RRN3: variants seen among roughly 807,000 people sequenced by gnomAD.
The protein encoded by RRN3 is RNA polymerase I transcription factor RRN3.
A neutral mutation model predicts 82.3 loss-of-function variants in RRN3; 38 were observed. That is an observed-to-expected ratio of 0.46 (90% CI 0.36 to 0.61). The LOEUF (loss-of-function observed/expected upper bound fraction) is 0.61, where lower values mean the gene tolerates loss of function less well. RRN3 is among the 20% of genes least tolerant of loss of function. The probability of loss-of-function intolerance (pLI) is 0.00; values close to 1 mark genes in which losing one functional copy is unlikely to be tolerated. For synonymous variants in RRN3, 284 were observed against 284.3 expected (o/e 1.00, Z 0.01); for missense variants, 726 against 793.1 (o/e 0.92, Z 1.02).
chr16:15,089,997 T>TC (rs1034731401), intron 3 of RRN3, among the ~76,000 whole-genome samples: 2 of 151,652 alleles, frequency 1.3e-5, no homozygotes, highest in African/African-American at 4.8e-5. Context: ...TCACCTGAGG[T>TC]CAGGAGTTCA....
At chr16:15,092,419 A>C in intron 2 of RRN3, 90 bp downstream of exon 2, 1 of 783,280 alleles carries the variant, frequency 1.3e-6, no homozygotes, top group Non-Finnish European at 2.2e-6. Flanking sequence ...ATCTTAATTA[A>C]TCTTGCTATT....
At position 15,061,653 on chromosome 16, in the gene RRN3, C is replaced by T. The variant is rs889404926; in HGVS notation, c.*91G>A. ...GCAGGCACTCGCTCTAGTTCAATGCCATCAATGCCCAATGGCACAAGCTGG... is the reference window on the plus strand; with the variant it reads ...GCAGGCACTCGCTCTAGTTCAATGCTATCAATGCCCAATGGCACAAGCTGG... On this transcript the variant is annotated 3_prime_UTR_variant, in exon 18 of 18. Coordinates refer to ENST00000198767, the MANE Select transcript of RRN3 (RefSeq NM_018427.5). 4 of 1,280,384 alleles carry T rather than the reference C, an allele frequency of 3.1e-6. No individual in the cohort carries two copies. The African/African-American group carries it at 5.9e-5, about 19-fold the overall frequency. 79.3% of individuals were successfully genotyped at this position (1,280,384 alleles called of 1,614,324 possible). A position where few individuals can be genotyped will look rare whatever the true frequency, so the allele number is the denominator to read the frequency against.
chr16:15,087,447 G>A (rs919028989), intron 3 of RRN3, among the ~76,000 whole-genome samples: 2 of 152,166 alleles, frequency 1.3e-5, no homozygotes, highest in Non-Finnish European at 2.9e-5. Context: ...CTCGGTCAAG[G>A]CTATCCTCTG....
chr16:15,092,254 T>C (rs1284271973), intron 2 of RRN3, among the ~76,000 whole-genome samples: 1 of 152,128 alleles, frequency 6.6e-6, no homozygotes, highest in Non-Finnish European at 1.5e-5. Context: ...GCTTCGTAAA[T>C]AAAGCATTTG....
intron 1 of RRN3, 31 bp from the exon 2 acceptor site, chr16:15,092,645 T>C (rs1280595294): frequency 7.7e-7 from 1 of 1,302,316 alleles, no homozygotes; most frequent in Non-Finnish European, 1.1e-6. Context: ...AGCTATTAAG[T>C]TCATGAAAAT....
At position 15,086,441 on chromosome 16, in the gene RRN3, A is replaced by G. The variant is rs770270304; in HGVS notation, c.266T>C (p.Ile89Thr). ...LDPDIKDDQI[I>T]NWLLEFRSSI... ...AGAACGGAATTCTAGCAGCCAGTTG[A>G]TGATCTGGTCATCCTTAAGTTAAAC... is the stretch of plus-strand genomic sequence containing the variant. Residue 89 changes from isoleucine (I) to threonine (T), a missense_variant, in exon 4 of 18, where the codon ATC (isoleucine) becomes ACC (threonine). Transcript: ENST00000198767. 10 of 1,612,510 alleles carry G rather than the reference A, an allele frequency of 6.2e-6. No individual in the cohort carries two copies. The highest frequency in any genetic ancestry group is 8.5e-6 in the Non-Finnish European group (10 of 1,179,580).
At position 15,086,377 on chromosome 16, in the gene RRN3, G is replaced by A; in HGVS notation, c.330C>T (p.Ile110=). 4.3e-6 allele frequency: 7 copies of A among 1,613,664 alleles called. No individual in the cohort carries two copies. Among genetic ancestry groups the A allele is most frequent in the Non-Finnish European group, 5.9e-6 (7 of 1,179,736 alleles). Residue 110 remains isoleucine, a synonymous_variant, in exon 4 of 18, where the codon ATC becomes ATT. Transcript: ENST00000198767. ...MYLTKDFEQL[I]SIILRLPWLN... Reference sequence around the variant, plus strand: ...ATGGTGAACTTACTAATATAATACTGATAAGTTGCTCAAAGTCTTTTGTCA... The same window carrying A: ...ATGGTGAACTTACTAATATAATACTAATAAGTTGCTCAAAGTCTTTTGTCA...
At chr16:15,085,258 A>AT (rs2045871834) in intron 6 of RRN3, among the ~76,000 whole-genome samples, 1 of 152,180 alleles carries the variant, frequency 6.6e-6, no homozygotes, top group Non-Finnish European at 1.5e-5. Flanking sequence ...TAACAAAAAG[A>AT]TTACATCAAA....
At chr16:15,088,770 C>G (rs1389029560) in intron 3 of RRN3, among the ~76,000 whole-genome samples, 3 of 152,138 alleles carry the variant, frequency 2.0e-5, no homozygotes, top group African/African-American at 7.2e-5. Flanking sequence ...GTGACCAAGC[C>G]AACAGATAAT....
chr16:15,078,904 C>T (rs1436972863), intron 9 of RRN3, among the ~76,000 whole-genome samples: 1 of 151,614 alleles, frequency 6.6e-6, no homozygotes, highest in African/African-American at 2.4e-5. Flanking sequence ...CTCCACCTCC[C>T]GGATTCACAC....
intron 5 of RRN3, among the ~76,000 whole-genome samples, chr16:15,085,919 T>A (rs2045900278): frequency 6.6e-6 from 1 of 152,130 alleles, no homozygotes; most frequent in Non-Finnish European, 1.5e-5. Context: ...CACCAGGAGT[T>A]CAATAAAGCA....
intron 13 of RRN3, 113 bp from the exon 14 acceptor site, chr16:15,070,367 C>A: frequency 1.4e-6 from 1 of 710,352 alleles, no homozygotes; most frequent in South Asian, 1.9e-5. Context: ...TCATAGGTTT[C>A]TTTAAATAAT....
chr16:15,090,882 T>C (rs569096535), intron 3 of RRN3, among the ~76,000 whole-genome samples: 1 of 151,990 alleles, frequency 6.6e-6, no homozygotes, highest in East Asian at 1.9e-4. Flanking sequence ...TGTTTTTTTT[T>C]TTTTTTTGCT....
chr16:15,092,128 G>A (rs571265161), intron 2 of RRN3, among the ~76,000 whole-genome samples: 1 of 152,118 alleles, frequency 6.6e-6, no homozygotes, highest in Admixed American at 6.6e-5. Context: ...GCAGTGAGCC[G>A]AGGTCACGCC....
At chr16:15,084,775 A>G (rs2045850793) in intron 6 of RRN3, 70 bp from the exon 7 acceptor site, 3 of 1,109,526 alleles carry the variant, frequency 2.7e-6, no homozygotes, top group Non-Finnish European at 4.1e-6. Flanking sequence ...GAAGCTAAAA[A>G]TAAATGCTGG....
intron 9 of RRN3, among the ~76,000 whole-genome samples, chr16:15,077,826 C>T (rs1257674410): frequency 7.9e-5 from 12 of 152,268 alleles, no homozygotes; most frequent in Admixed American, 4.6e-4. Flanking sequence ...GGGCAAGAAG[C>T]GAGACACCAT....
chr16:15,065,155 G>A, intron 16 of RRN3, 64 bp downstream of exon 16: 3 of 1,507,062 alleles, frequency 2.0e-6, no homozygotes, highest in Non-Finnish European at 2.7e-6. Flanking sequence ...GACAGAGTGA[G>A]ACTCCGTCTC....
chr16:15,086,343 G>T, intron 4 of RRN3, 22 bp downstream of exon 4: 1 of 1,613,060 alleles, frequency 6.2e-7, no homozygotes, highest in Non-Finnish European at 8.5e-7. Context: ...ATACTTTACA[G>T]TAAAATAAAT....
At chr16:15,093,162 G>T (rs1187745502) in intron 1 of RRN3, among the ~76,000 whole-genome samples, 2 of 152,058 alleles carry the variant, frequency 1.3e-5, no homozygotes, top group African/African-American at 4.8e-5. Context: ...CTGCCACCAT[G>T]CCCGGCTGAT....
Sources: gnomAD v4.1 joint callset for allele counts (sites outside exome capture counted in the v4.1 genomes callset) on GRCh38, gnomAD v4.1.1 for gene constraint, MANE v1.5 for transcripts, NCBI Gene and HGNC (gene_info 2026-07-23, HGNC 2026-07-21) for gene names.